TMTC4: variants seen among roughly 807,000 people sequenced by gnomAD.
The protein encoded by TMTC4 is protein O-mannosyl-transferase TMTC4.
Under a neutral mutation model 86.0 loss-of-function variants are expected in TMTC4, and 65 were observed. The observed-to-expected ratio is 0.76, with a 90% confidence interval of 0.62 to 0.93. The LOEUF (loss-of-function observed/expected upper bound fraction) is 0.93, where lower values mean the gene tolerates loss of function less well. TMTC4 is among the 40% of genes least tolerant of loss of function. The probability of loss-of-function intolerance (pLI) is 0.00; values close to 1 mark genes in which losing one functional copy is unlikely to be tolerated. For missense variants in TMTC4, 866 were observed against 948.1 expected (o/e 0.91, Z 1.14); for synonymous variants, 379 against 382.5 (o/e 0.99, Z 0.11).
chr13:100,610,705 C>G (rs551609693), intron 17 of TMTC4, among the ~76,000 whole-genome samples: 1 of 152,346 alleles, frequency 6.6e-6, no homozygotes, highest in East Asian at 1.9e-4. Flanking sequence ...CAAACGAACT[C>G]TGGGTTTTAT....
chr13:100,668,498 G>A (rs1344208658), intron 3 of TMTC4, 81 bp downstream of exon 3: 3 of 1,412,980 alleles, frequency 2.1e-6, no homozygotes, highest in Non-Finnish European at 2.9e-6. Context: ...ATTCCACAGA[G>A]AACAATGCAA....
In TMTC4 at chr13:100,605,791, G is replaced by T. The variant is rs1876494839; in HGVS notation, c.2134+567C>A. ...TTCAGAGTTGGTAGAGAACAGCTTT[G>T]GTGAAAAAACATTTCTGTGAGCATT... is the stretch of plus-strand genomic sequence containing the variant. On this transcript the variant is annotated intron_variant, in intron 18 of 18. Transcript: ENST00000342624. This position sits in a 1 kb window ranked among gnomAD's most constrained non-coding sequence, Gnocchi z 4.3. 6.6e-6 allele frequency among the ~76,000 whole-genome samples: 1 copy of T among 152,182 alleles called. No individual in the cohort carries two copies. Among genetic ancestry groups the T allele is most frequent in the Non-Finnish European group, 1.5e-5 (1 of 68,016 alleles).
intron 1 of TMTC4, chr13:100,674,001 CTTT>C (rs910802003): frequency 2.0e-6 from 2 of 984,768 alleles, no homozygotes; most frequent in East Asian, 1.1e-4. Flanking sequence ...CTCCTCCCTT[CTTT>C]TGTGTGTGGT....
chr13:100,655,609 G>C lies in TMTC4; in HGVS notation c.640+772C>G, dbSNP rs1403869443. 2.0e-5 allele frequency among the ~76,000 whole-genome samples: 3 copies of C among 152,158 alleles called. No homozygotes were observed. The East Asian group carries it at 5.8e-4, about 29-fold the overall frequency. On this transcript the variant is annotated intron_variant, in intron 6 of 18. Transcript: ENST00000342624. ...GATTTGTAATCATCATAGGTGGGGAGACCCTTACCCCAGGAAGAGACTGCA... is the reference window on the plus strand; with the variant it reads ...GATTTGTAATCATCATAGGTGGGGACACCCTTACCCCAGGAAGAGACTGCA...
upstream of TMTC4, chr13:100,674,862 CCG>C: frequency 1.0e-6 from 1 of 977,626 alleles, no homozygotes; most frequent in Non-Finnish European, 1.2e-6. Context: ...CCGACCCCCC[CCG>C]CGCCGCGCCT....
chr13:100,664,305 A>C lies in TMTC4; in HGVS notation c.251T>G (p.Leu84Arg). The change falls in exon 4 of 19, where the codon CTG becomes CGG. Residue 84 changes from leucine (L) to arginine (R), a missense_variant. Transcript: ENST00000342624. ...ACTGCCCCAGAAGTCATGATGCCAC[A>C]GGTCCCCCAGGGGCGTTTCTGCTTG... ...DLQAETPLGD[L>R]WHHDFWGSRL... 1 of 1,611,096 alleles carries C rather than the reference A, an allele frequency of 6.2e-7. No homozygotes were observed. Among genetic ancestry groups the C allele is most frequent in the South Asian group, 1.1e-5 (1 of 90,754 alleles).
intron 15 of TMTC4, among the ~76,000 whole-genome samples, chr13:100,622,897 G>T (rs1171183101): frequency 6.6e-6 from 1 of 152,170 alleles, no homozygotes; most frequent in Non-Finnish European, 1.5e-5. Context: ...CTTCTGCAGA[G>T]GGGGAAGGTC....
intron 17 of TMTC4, among the ~76,000 whole-genome samples, chr13:100,608,612 C>T (rs368603192): frequency 3.9e-5 from 6 of 152,070 alleles, no homozygotes; most frequent in Admixed American, 1.3e-4. Flanking sequence ...CTCTTTAGAA[C>T]GCAGCATCTG....
chr13:100,662,106 C>T (rs952974248), intron 5 of TMTC4, among the ~76,000 whole-genome samples: 28 of 151,966 alleles, frequency 1.8e-4, no homozygotes, highest in African/African-American at 6.5e-4. Flanking sequence ...ATGCAGCCTC[C>T]AGGCCTCCAC....
intron 12 of TMTC4, among the ~76,000 whole-genome samples, chr13:100,628,871 G>A (rs1310621006): frequency 2.0e-5 from 3 of 152,160 alleles, no homozygotes; most frequent in Non-Finnish European, 4.4e-5. Flanking sequence ...TTTGTTGGCC[G>A]GGCGCAGTGC....
chr13:100,674,458 C>A, intron 1 of TMTC4: 2 of 911,108 alleles, frequency 2.2e-6, no homozygotes, highest in African/African-American at 1.8e-5. Flanking sequence ...CGACCTCTGC[C>A]CGGGCGGAGA....
At chr13:100,632,053 A>ACACACACACACACTCTCTCTCT (rs1296569630) in intron 12 of TMTC4, among the ~76,000 whole-genome samples, 11 of 43,104 alleles carry the variant, frequency 2.6e-4, no homozygotes, top group East Asian at 7.9e-4. Flanking sequence ...ACACACACAC[A>ACACACACACACACTCTCTCTCT]CTCTCTCTCT....
In TMTC4 at chr13:100,656,413, G is replaced by A; in HGVS notation, c.608C>T (p.Ser203Phe). The A allele has an allele frequency of 6.2e-7, 1 of 1,613,092 alleles. No individual in the cohort carries two copies. Among genetic ancestry groups the A allele is most frequent in the East Asian group, 2.2e-5 (1 of 44,852 alleles). ...AAATGCTTTACAGTAGCCAAGGAAA[G>A]ATAACAAGAAGAACAGGGCACACAG... ...DLLCALFFLLSFLGYCKAFRE... is the reference protein window; with the variant it reads ...DLLCALFFLLFFLGYCKAFRE... The change falls in exon 6 of 19, where the codon TCT (serine) becomes TTT (phenylalanine). Residue 203 changes from serine (S) to phenylalanine (F), a missense_variant. Physicochemically the swap from Ser to Phe is radical, Grantham distance 155 (BLOSUM62 -2). Coordinates refer to ENST00000342624, the MANE Select transcript of TMTC4 (RefSeq NM_032813.5).
At chr13:100,645,908 G>A (rs1158471699) in intron 6 of TMTC4, among the ~76,000 whole-genome samples, 2 of 152,116 alleles carry the variant, frequency 1.3e-5, no homozygotes, top group African/African-American at 4.8e-5. Flanking sequence ...GAGGCCAGTA[G>A]CACCACCCCC....
chr13:100,611,175 C>A (rs965514113), intron 17 of TMTC4, among the ~76,000 whole-genome samples: 1 of 152,162 alleles, frequency 6.6e-6, no homozygotes, highest in South Asian at 2.1e-4. Context: ...TATACATAGG[C>A]TGAGTGATTG....
intron 1 of TMTC4, chr13:100,674,165 GC>G: frequency 1.2e-6 from 1 of 863,858 alleles, no homozygotes; most frequent in African/African-American, 1.8e-5. Context: ...CGGCTCGGTG[GC>G]CCCGGGCGCC....
rs1876399808 is a variant in TMTC4, at chr13:100,605,241, C to A, written c.2135-99G>T. ...AGAAATATTACAGATCCTATGCAAACAGTTTTCAAAAGTCAATTGTATGAA... is the reference window on the plus strand; with the variant it reads ...AGAAATATTACAGATCCTATGCAAAAAGTTTTCAAAAGTCAATTGTATGAA... On this transcript the variant is annotated intron_variant, in intron 18 of 18. Transcript: ENST00000342624. The surrounding 1 kb of genome is among the most constrained non-coding windows in gnomAD (Gnocchi z 4.3). 2.4e-5 allele frequency: 33 copies of A among 1,392,698 alleles called. No individual in the cohort carries two copies. Among genetic ancestry groups the A allele is most frequent in the Non-Finnish European group, 3.2e-5 (33 of 1,031,844 alleles). 86.3% of individuals were successfully genotyped at this position (1,392,698 alleles called of 1,614,324 possible).
chr13:100,630,029 G>GTA (rs1402827100), intron 12 of TMTC4, among the ~76,000 whole-genome samples: 1 of 18,160 alleles, frequency 5.5e-5, no homozygotes, highest in Admixed American at 4.0e-4. Flanking sequence ...CTGTGTGTAT[G>GTA]TGTGTGTGTG....
chr13:100,637,989 C>G lies in TMTC4; in HGVS notation c.775G>C (p.Gly259Arg). 1 of 1,614,002 alleles carries G rather than the reference C, an allele frequency of 6.2e-7. No homozygotes were observed. Among genetic ancestry groups the G allele is most frequent in the African/African-American group, 1.3e-5 (1 of 75,004 alleles). ...LNAVFDILVI[G>R]KFNVLEIVQK... ...ACAATTTCCAGAACATTGAATTTGC[C>G]TATCACCAAGATGTCAAATACCGCA... The change falls in exon 8 of 19, where the codon GGC (glycine) becomes CGC (arginine). Residue 259 changes from glycine (G) to arginine (R), a missense_variant. Physicochemically the swap from Gly to Arg is moderately radical, Grantham distance 125. Transcript: ENST00000342624.
Sources: allele counts gnomAD v4.1 joint callset (sites outside exome capture counted in the v4.1 genomes callset), GRCh38; gene constraint gnomAD v4.1.1; non-coding constraint Gnocchi (gnomAD v3.1); transcripts MANE v1.5; gene names NCBI Gene and HGNC (gene_info 2026-07-23, HGNC 2026-07-21).